Variants in RFC3 observed in about 807,000 individuals in gnomAD.
RFC3 encodes A1 38 kDa subunit.
RFC3 carries 41 observed loss-of-function variants against 45.1 expected under a neutral mutation model. The ratio of observed to expected loss-of-function variants is 0.91; its 90% confidence interval spans 0.71 to 1.18. The LOEUF (loss-of-function observed/expected upper bound fraction) is 1.18, where lower values mean the gene tolerates loss of function less well. Ranked by LOEUF, RFC3 falls within the 50% of genes most tolerant of loss-of-function variation. The pLI is 0.00. For missense variants in RFC3, 423 were observed against 428.1 expected, an observed-to-expected ratio of 0.99 and a Z score of 0.10; for synonymous variants, 149 against 144.0, an observed-to-expected ratio of 1.03 and a Z score of -0.25.
intron 8 of RFC3, among the ~76,000 whole-genome samples, chr13:33,961,262 C>T (rs9592161): frequency 0.055 from 8,337 of 152,218 alleles, 318 homozygotes; most frequent in Non-Finnish European, 0.086. Flanking sequence ...CCTCCTACTT[C>T]ACATCTGTGC....
chr13:33,934,888 G>T (rs2082876451), intron 8 of RFC3, among the ~76,000 whole-genome samples: 1 of 152,042 alleles, frequency 6.6e-6, no homozygotes, highest in Admixed American at 6.6e-5. Context: ...TATATCCAGT[G>T]CTCTCATGAT....
intron 8 of RFC3, among the ~76,000 whole-genome samples, chr13:33,861,206 T>G (rs912055883): frequency 2.0e-5 from 3 of 152,246 alleles, no homozygotes; most frequent in Non-Finnish European, 4.4e-5. Flanking sequence ...AGAGGTTGCA[T>G]GTCAATTTCA....
chr13:33,918,064 C>T (rs925608789), intron 8 of RFC3, among the ~76,000 whole-genome samples: 1 of 152,098 alleles, frequency 6.6e-6, no homozygotes, highest in Non-Finnish European at 1.5e-5. Flanking sequence ...GTTGAGGAAA[C>T]TTGGATTCAG....
At chr13:33,942,725 GC>G (rs2082932451) in intron 8 of RFC3, among the ~76,000 whole-genome samples, 1 of 152,042 alleles carries the variant, frequency 6.6e-6, no homozygotes, top group African/African-American at 2.4e-5. Flanking sequence ...AGATCCTCCT[GC>G]TATTTGAATG....
chr13:33,964,538 A>G (rs902517369), intron 8 of RFC3, among the ~76,000 whole-genome samples: 1 of 152,240 alleles, frequency 6.6e-6, no homozygotes, highest in Admixed American at 6.5e-5. Context: ...AATAAACGCC[A>G]TAGCATCTTC....
chr13:33,851,297 C>T lies in RFC3; in HGVS notation c.879+16080C>T, dbSNP rs60864725. Among the ~76,000 whole-genome samples the T allele has an allele frequency of 9.9e-4, 151 of 152,194 alleles. 1 individual carries two copies. Among genetic ancestry groups the T allele is most frequent in the African/African-American group, 3.5e-3 (147 of 41,528 alleles). On this transcript the variant is annotated intron_variant, in intron 8 of 8. Coordinates refer to the RFC3 transcript ENST00000434425. ...AATATAGTTGACCCTTGAACAATGT[C>T]GGGGGTTGGAGCATCAACCCGTCAC...
At chr13:33,861,836 A>G (rs546235906) in intron 8 of RFC3, among the ~76,000 whole-genome samples, 1 of 152,270 alleles carries the variant, frequency 6.6e-6, no homozygotes, top group Admixed American at 6.5e-5. Flanking sequence ...ACTGCAACCA[A>G]TTACAGGTAT....
the RFC3 span, among the ~76,000 whole-genome samples, chr13:33,973,448 A>G: frequency 6.6e-6 from 1 of 152,138 alleles, no homozygotes; most frequent in African/African-American, 2.4e-5. Flanking sequence ...CTACTTTTGC[A>G]GCCACATCTG....
intron 8 of RFC3, among the ~76,000 whole-genome samples, chr13:33,872,801 C>CCG (rs375861349): frequency 0.034 from 4,878 of 142,530 alleles, 359 homozygotes; most frequent in East Asian, 0.14. Context: ...AACCCCCCCC[C>CCG]CCAAAATACA....
rs375301524 is a variant in RFC3, at chr13:33,830,892, C to A, written c.710+37C>A. ...GGGTAGTTACATTCTAGGACTTTGG[C>A]CCCCAAGCTTTTTGGCACCAGGGAC... is the stretch of plus-strand genomic sequence containing the variant. On this transcript the variant is annotated intron_variant, in intron 6 of 8. Coordinates refer to ENST00000380071, the MANE Select transcript of RFC3 (RefSeq NM_002915.4). 1.2e-5 allele frequency: 19 copies of A among 1,574,120 alleles called. No homozygotes were observed. In the African/African-American group the frequency reaches 2.5e-4, roughly 20 times the overall value.
chr13:33,836,157 G>A lies in RFC3; in HGVS notation c.933G>A (p.Val311=). ...GTGATGGACAACTGAAAGGGGAGGT[G>A]GCACAAATGGCAGCTTACTATGAGC... ...HNCDGQLKGE[V]AQMAAYYEHR... is the part of the protein sequence containing the mutation. Residue 311 remains valine (V), a synonymous_variant, in exon 9 of 9, where the codon GTG becomes GTA. Coordinates refer to ENST00000380071, the MANE Select transcript of RFC3 (RefSeq NM_002915.4). 1 of 1,613,210 alleles carries A rather than the reference G, an allele frequency of 6.2e-7. No homozygotes were observed. The highest frequency in any genetic ancestry group is 1.1e-5 in the South Asian group (1 of 91,038).
chr13:33,849,061 C>CAGACAGAA (rs2082259107), intron 8 of RFC3: 1 of 51,180 alleles, frequency 2.0e-5, no homozygotes, highest in Non-Finnish European at 6.5e-5. Flanking sequence ...GATAGATAGA[C>CAGACAGAA]AGGCAGACAG....
rs1358659655 is a variant in RFC3, at chr13:33,836,737, T to G, written c.*442T>G. On this transcript the variant is annotated 3_prime_UTR_variant, in exon 9 of 9. Transcript: ENST00000380071. The stretch of plus-strand genomic sequence containing the variant: ...TAGTTTCTCTCAATGAATAATTGTA[T>G]TTTTGTAGGAAATGTAAGATTTCAT... 5 of 984,742 alleles carry G rather than the reference T, an allele frequency of 5.1e-6. No homozygotes were observed. The African/African-American group carries it at 8.7e-5, about 17-fold the overall frequency. 61.0% of individuals were successfully genotyped at this position (984,742 alleles called of 1,614,324 possible). A position where few individuals can be genotyped will look rare whatever the true frequency, so the allele number is the denominator to read the frequency against.
chr13:33,900,263 A>G (rs920924113), intron 8 of RFC3, among the ~76,000 whole-genome samples: 1 of 152,078 alleles, frequency 6.6e-6, no homozygotes, highest in African/African-American at 2.4e-5. Context: ...GCATTACACT[A>G]CTTGACTTCA....
intron 8 of RFC3, among the ~76,000 whole-genome samples, chr13:33,871,776 A>G (rs1555235329): frequency 6.6e-6 from 1 of 152,184 alleles, no homozygotes; most frequent in Non-Finnish European, 1.5e-5. Flanking sequence ...CATTGGGGCC[A>G]TTCTCTTCAC....
chr13:33,971,637 G>A, the RFC3 span, among the ~76,000 whole-genome samples: 1 of 152,252 alleles, frequency 6.6e-6, no homozygotes. Flanking sequence ...GACAAAAACA[G>A]TCAGTGGGCT....
intron 8 of RFC3, among the ~76,000 whole-genome samples, chr13:33,855,683 A>G (rs918109244): frequency 6.6e-6 from 1 of 152,072 alleles, no homozygotes; most frequent in Non-Finnish European, 1.5e-5. Context: ...GTGATGTGAG[A>G]TGGTATCTCG....
intron 8 of RFC3, chr13:33,849,057 T>TAGACAGAC (rs57345422): frequency 0.75 from 113,730 of 151,064 alleles, 45,598 homozygotes; most frequent in Non-Finnish European, 0.91. Context: ...GATAGATAGA[T>TAGACAGAC]AGACAGGCAG....
At chr13:33,860,774 G>C (rs1442026011) in intron 8 of RFC3, among the ~76,000 whole-genome samples, 2 of 152,124 alleles carry the variant, frequency 1.3e-5, no homozygotes, top group Non-Finnish European at 2.9e-5. Flanking sequence ...GCCAATTAAC[G>C]TCCCTTTAAA....
Sources: gnomAD v4.1 joint callset for allele counts (sites outside exome capture counted in the v4.1 genomes callset) on GRCh38, gnomAD v4.1.1 for gene constraint, MANE v1.5 for transcripts, NCBI Gene and HGNC (gene_info 2026-07-23, HGNC 2026-07-21) for gene names.